The following PRKCH variants were observed in gnomAD, a reference collection of about 807,000 sequenced individuals.
PRKCH encodes protein kinase C eta type.
A neutral mutation model predicts 82.5 loss-of-function variants in PRKCH; 28 were observed. That is an observed-to-expected ratio of 0.34 (90% CI 0.25 to 0.47). The LOEUF is 0.47. Ranked by LOEUF, PRKCH falls within the 20% of genes least tolerant of loss-of-function variation. The pLI, the probability that PRKCH is intolerant of heterozygous loss-of-function variation, is 1.00. For missense variants in PRKCH, 705 were observed against 881.8 expected (o/e 0.80, Z 2.54); for synonymous variants, 322 against 327.4 (o/e 0.98, Z 0.18).
chr14:61,435,844 C>A (rs780594567), intron 2 of PRKCH, among the ~76,000 whole-genome samples: 5 of 151,788 alleles, frequency 3.3e-5, no homozygotes, highest in Non-Finnish European at 5.9e-5. Context: ...AACCTTGGAG[C>A]ATACACATAT....
chr14:61,468,417 G>A (rs1047892002), intron 9 of PRKCH, among the ~76,000 whole-genome samples: 3 of 152,104 alleles, frequency 2.0e-5, no homozygotes, highest in Non-Finnish European at 4.4e-5. Context: ...TGTTGGACCC[G>A]CCTCCTTCTC....
rs1335053986 is a variant in PRKCH at position 61,272,340 on chromosome 14, C to CTTTTTTTTTTTTTT, written c.-19+84675_-19+84676insTTTTTTTTTTTTTT. 8.2e-5 allele frequency among the ~76,000 whole-genome samples: 8 copies of CTTTTTTTTTTTTTT among 97,838 alleles called. 3 individuals are homozygous for CTTTTTTTTTTTTTT. Among genetic ancestry groups the CTTTTTTTTTTTTTT allele is most frequent in the Non-Finnish European group, 9.5e-5 (5 of 52,830 alleles). 64.2% of individuals were successfully genotyped at this position (97,838 alleles called of 152,430 possible). On this transcript the variant is annotated intron_variant, in intron 1 of 3. Coordinates refer to the PRKCH transcript ENST00000555185. ...TAGATTTCTTTTTCTTTTCTTTTTT[C>CTTTTTTTTTTTTTT]TTTCTTTTTTTTTTTTTTTTTTTTT...
intron 1 of PRKCH, among the ~76,000 whole-genome samples, chr14:61,214,816 C>A (rs1187933262): frequency 6.6e-6 from 1 of 152,112 alleles, no homozygotes; most frequent in Non-Finnish European, 1.5e-5. Flanking sequence ...TTGGCCTGTG[C>A]AGATTCATTA....
At chr14:61,434,435 C>CCTA (rs1883577426) in intron 2 of PRKCH, among the ~76,000 whole-genome samples, 1 of 151,844 alleles carries the variant, frequency 6.6e-6, no homozygotes, top group African/African-American at 2.4e-5. Context: ...GAATGTCTGA[C>CCTA]CTACTGTTAA....
chr14:61,337,404 G>A (rs2045873888), intron 1 of PRKCH, among the ~76,000 whole-genome samples: 1 of 151,830 alleles, frequency 6.6e-6, no homozygotes, highest in Non-Finnish European at 1.5e-5. Context: ...TTCCTATGTG[G>A]ACTCAATTAA....
chr14:61,366,192 G>A (rs2046295009), intron 1 of PRKCH, among the ~76,000 whole-genome samples: 1 of 152,072 alleles, frequency 6.6e-6, no homozygotes, highest in Non-Finnish European at 1.5e-5. Flanking sequence ...CTTTTTGAAA[G>A]TCTTTGAAAA....
At chr14:61,258,136 T>G (rs1244657589) in intron 1 of PRKCH, among the ~76,000 whole-genome samples, 1 of 152,172 alleles carries the variant, frequency 6.6e-6, no homozygotes. Context: ...TAAATCAAAC[T>G]GAGACAAATA....
chr14:61,342,471 T>C (rs2045941035), intron 1 of PRKCH, among the ~76,000 whole-genome samples: 1 of 152,172 alleles, frequency 6.6e-6, no homozygotes, highest in South Asian at 2.1e-4. Flanking sequence ...TATCTGCATA[T>C]ATGTGAAGCT....
At chr14:61,416,558 A>G (rs1882569038) in intron 2 of PRKCH, among the ~76,000 whole-genome samples, 1 of 152,108 alleles carries the variant, frequency 6.6e-6, no homozygotes, top group Non-Finnish European at 1.5e-5. Flanking sequence ...TATATCTCCC[A>G]GCTTGGCTCA....
chr14:61,372,282 G>C (rs1032942129), intron 1 of PRKCH, among the ~76,000 whole-genome samples: 7 of 151,966 alleles, frequency 4.6e-5, no homozygotes, highest in African/African-American at 1.7e-4. Flanking sequence ...ATTGCTTTTA[G>C]GTCTGTTCAG....
intron 1 of PRKCH, among the ~76,000 whole-genome samples, chr14:61,212,536 A>G (rs1322186543): frequency 6.6e-6 from 1 of 152,184 alleles, no homozygotes; most frequent in East Asian, 1.9e-4. Context: ...TTTCTTTTCT[A>G]TGTTTCTTCT....
intron 1 of PRKCH, among the ~76,000 whole-genome samples, chr14:61,254,521 C>T (rs1383076944): frequency 3.9e-5 from 6 of 152,062 alleles, no homozygotes; most frequent in East Asian, 1.9e-4. Context: ...GAGGCTGAGA[C>T]GGGAGAATCA....
chr14:61,345,693 A>T (rs1214667786), intron 1 of PRKCH, among the ~76,000 whole-genome samples: 3 of 152,206 alleles, frequency 2.0e-5, no homozygotes, highest in Non-Finnish European at 2.9e-5. Flanking sequence ...AGATATTCAG[A>T]TTCTCTTATT....
chr14:61,296,293 T>A (rs866784143), intron 1 of PRKCH, among the ~76,000 whole-genome samples: 1 of 152,180 alleles, frequency 6.6e-6, no homozygotes, highest in African/African-American at 2.4e-5. Context: ...CACAGAGCTA[T>A]GAGGCATTGT....
intron 1 of PRKCH, among the ~76,000 whole-genome samples, chr14:61,301,526 G>GGTAAC (rs2045447232): frequency 6.6e-6 from 1 of 152,204 alleles, no homozygotes; most frequent in Admixed American, 6.5e-5. Flanking sequence ...ATATGCTCAA[G>GGTAAC]GTAACGTGTG....
intron 1 of PRKCH, among the ~76,000 whole-genome samples, chr14:61,376,770 A>T (rs1351444288): frequency 3.9e-5 from 6 of 152,198 alleles, no homozygotes; most frequent in African/African-American, 7.2e-5. Context: ...TTTGAAATGA[A>T]ATTTCAGTTC....
chr14:61,342,630 A>G (rs1202139211), intron 1 of PRKCH, among the ~76,000 whole-genome samples: 1 of 152,014 alleles, frequency 6.6e-6, no homozygotes, highest in Non-Finnish European at 1.5e-5. Flanking sequence ...TTCCACAGGA[A>G]CTCTGCCCTT....
At chr14:61,432,362 C>G (rs1883448081) in intron 2 of PRKCH, among the ~76,000 whole-genome samples, 1 of 152,072 alleles carries the variant, frequency 6.6e-6, no homozygotes, top group African/African-American at 2.4e-5. Context: ...TAGCTCAAAC[C>G]TTCCCTCGAA....
rs3783777 is a variant in PRKCH, at chr14:61,482,970, C to G, written c.1279-2532C>G. The stretch of plus-strand genomic sequence containing the variant: ...AGCCTAAGGAATGGCCACTTCCCCA[C>G]TGACCCAGTTCCAGTAGCCAGGTGT... On this transcript the variant is annotated intron_variant, in intron 9 of 13. Coordinates refer to ENST00000332981, the MANE Select transcript of PRKCH (RefSeq NM_006255.5). Among the ~76,000 whole-genome samples, 2,939 of 152,364 alleles carry G rather than the reference C, an allele frequency of 0.019. 167 individuals carry two copies. The East Asian group carries it at 0.24, about 12-fold the overall frequency.
Sources: allele counts gnomAD v4.1 joint callset (sites outside exome capture counted in the v4.1 genomes callset), GRCh38; gene constraint gnomAD v4.1.1; transcripts MANE v1.5; gene names NCBI Gene and HGNC (gene_info 2026-07-23, HGNC 2026-07-21).